Variants in MAP3K5 observed in about 807,000 individuals in gnomAD.
MAP3K5 encodes the protein mitogen-activated protein kinase kinase kinase 5, also known as ASK-1.
MAP3K5 carries 56 observed loss-of-function variants against 158.7 expected under a neutral mutation model. The ratio of observed to expected loss-of-function variants is 0.35; its 90% CI spans 0.28 to 0.44. The LOEUF is 0.44. Among genes scored for constraint, MAP3K5 ranks in the 20% least tolerant of loss-of-function variants. The probability of loss-of-function intolerance (pLI) is 1.00; values close to 1 mark genes in which losing one functional copy is unlikely to be tolerated. For synonymous variants in MAP3K5, 579 were observed against 601.7 expected, an observed-to-expected ratio of 0.96 and a Z score of 0.55; for missense variants, 1,294 against 1,674.8, an observed-to-expected ratio of 0.77 and a Z score of 3.97.
chr6:136,716,607 C>T (rs1202219729), intron 2 of MAP3K5, among the ~76,000 whole-genome samples: 2 of 152,180 alleles, frequency 1.3e-5, no homozygotes, highest in African/African-American at 4.8e-5. Flanking sequence ...GTGTTTAATG[C>T]ATCTGCACCA....
At chr6:136,601,720 G>A in intron 20 of MAP3K5, 82 bp downstream of exon 20, 1 of 1,303,430 alleles carries the variant, frequency 7.7e-7, no homozygotes, top group South Asian at 1.4e-5. Flanking sequence ...AAACAGGTTA[G>A]TTTACTTCCG....
chr6:136,637,313 C>T lies in MAP3K5; in HGVS notation c.2016+12G>A. 1.9e-6 allele frequency: 3 copies of T among 1,591,714 alleles called. No homozygotes were observed. The highest frequency in any genetic ancestry group is 2.6e-6 in the Non-Finnish European group (3 of 1,159,596). ...ATGAGCTCTAAATGTAAATGGACAC[C>T]TAAGTCATTACCTCCAGCAAGTCAC... On this transcript the variant is annotated intron_variant, in intron 14 of 29. Coordinates refer to ENST00000359015, the MANE Select transcript of MAP3K5 (RefSeq NM_005923.4).
At chr6:136,632,530 G>C (rs1777421215) in intron 14 of MAP3K5, among the ~76,000 whole-genome samples, 1 of 152,060 alleles carries the variant, frequency 6.6e-6, no homozygotes, top group Admixed American at 6.5e-5. Context: ...AAACAAAAAG[G>C]AGCATCAAAG....
chr6:136,699,091 A>G, intron 3 of MAP3K5, among the ~76,000 whole-genome samples: 1 of 152,116 alleles, frequency 6.6e-6, no homozygotes. Context: ...CCTACATGTA[A>G]GGTGATGCCG....
chr6:136,649,169 C>T (rs1349606911), intron 11 of MAP3K5, among the ~76,000 whole-genome samples: 1 of 152,056 alleles, frequency 6.6e-6, no homozygotes, highest in African/African-American at 2.4e-5. Flanking sequence ...GGGGTTTCAC[C>T]ATGTTGGCCA....
chr6:136,661,147 G>C (rs1329673742), intron 8 of MAP3K5, among the ~76,000 whole-genome samples: 1 of 152,062 alleles, frequency 6.6e-6, no homozygotes, highest in Non-Finnish European at 1.5e-5. Context: ...TATTTGATGA[G>C]AGTCATGATT....
At chr6:136,696,765 G>A (rs1009710) in intron 5 of MAP3K5, among the ~76,000 whole-genome samples, 80,740 of 152,016 alleles carry the variant, frequency 0.53, 21,653 homozygotes, top group South Asian at 0.63. Flanking sequence ...TATTTCTGTA[G>A]GTAATCAATT....
At chr6:136,733,127 T>C (rs1281313936) in intron 1 of MAP3K5, among the ~76,000 whole-genome samples, 1 of 152,184 alleles carries the variant, frequency 6.6e-6, no homozygotes, top group Non-Finnish European at 1.5e-5. Context: ...AGTTCTCAAG[T>C]ACCTAGGACT....
chr6:136,743,742 G>C (rs953367973), intron 1 of MAP3K5, among the ~76,000 whole-genome samples: 2 of 152,204 alleles, frequency 1.3e-5, no homozygotes, highest in Non-Finnish European at 2.9e-5. Context: ...ACACAGATGT[G>C]TATAACAGCT....
chr6:136,625,401 T>A (rs73556266), intron 14 of MAP3K5, among the ~76,000 whole-genome samples: 26 of 152,336 alleles, frequency 1.7e-4, no homozygotes, highest in African/African-American at 6.3e-4. Context: ...AAGTATGGCC[T>A]AGTGCCTACG....
At chr6:136,786,837 T>G (rs946131183) in intron 1 of MAP3K5, among the ~76,000 whole-genome samples, 1 of 149,672 alleles carries the variant, frequency 6.7e-6, no homozygotes, top group African/African-American at 2.5e-5. Flanking sequence ...CAGGGTCTCA[T>G]TCTGTCACCC....
At chr6:136,596,596 GGA>G (rs1775643199) in intron 21 of MAP3K5, among the ~76,000 whole-genome samples, 1 of 152,196 alleles carries the variant, frequency 6.6e-6, no homozygotes, top group African/African-American at 2.4e-5. Flanking sequence ...GAACTCACTG[GGA>G]GAGGCAGAAG....
At chr6:136,680,875 G>A (rs1179399842) in intron 7 of MAP3K5, among the ~76,000 whole-genome samples, 2 of 152,156 alleles carry the variant, frequency 1.3e-5, no homozygotes, top group Non-Finnish European at 2.9e-5. Context: ...CCTTGGAAGA[G>A]CTCTGCAGGG....
At chr6:136,738,976 A>T (rs1407591135) in intron 1 of MAP3K5, among the ~76,000 whole-genome samples, 1 of 152,002 alleles carries the variant, frequency 6.6e-6, no homozygotes, top group African/African-American at 2.4e-5. Flanking sequence ...ACCCATGCAC[A>T]CTAGGTTCCT....
At chr6:136,738,525 A>G (rs1782572951) in intron 1 of MAP3K5, among the ~76,000 whole-genome samples, 1 of 152,190 alleles carries the variant, frequency 6.6e-6, no homozygotes, top group Admixed American at 6.5e-5. Context: ...GAGTCTTCCA[A>G]CTGGCACTCA....
chr6:136,642,907 C>CA (rs1467319283), intron 11 of MAP3K5, among the ~76,000 whole-genome samples: 1 of 152,114 alleles, frequency 6.6e-6, no homozygotes, highest in African/African-American at 2.4e-5. Flanking sequence ...TCTATTATTA[C>CA]AGTTGAGAAA....
chr6:136,669,200 T>G, intron 8 of MAP3K5, 83 bp downstream of exon 8: 1 of 876,684 alleles, frequency 1.1e-6, no homozygotes, highest in Non-Finnish European at 1.9e-6. Flanking sequence ...AAGCAAAAGA[T>G]TTATCTATTC....
At chr6:136,566,259 G>A (rs933613920) in intron 26 of MAP3K5, among the ~76,000 whole-genome samples, 2 of 152,204 alleles carry the variant, frequency 1.3e-5, no homozygotes, top group East Asian at 1.9e-4. Context: ...GTAGACAGGA[G>A]GTTTCAGGGC....
chr6:136,756,927 G>A (rs75685775), intron 1 of MAP3K5, among the ~76,000 whole-genome samples: 1,693 of 152,318 alleles, frequency 0.011, 18 homozygotes, highest in Non-Finnish European at 0.018. Context: ...TTTCTCAAGT[G>A]TGCATAGGCT....
Sources: allele counts gnomAD v4.1 joint callset (sites outside exome capture counted in the v4.1 genomes callset), GRCh38; gene constraint gnomAD v4.1.1; transcripts MANE v1.5; gene names NCBI Gene and HGNC (gene_info 2026-07-23, HGNC 2026-07-21).